SARDH: variants seen among roughly 807,000 people sequenced by gnomAD.
SARDH encodes the protein sarcosine dehydrogenase, mitochondrial.
In SARDH, 95 loss-of-function variants were observed where a neutral mutation model predicts 109.1. The observed-to-expected ratio is 0.87, with a 90% CI of 0.74 to 1.03. SARDH has a LOEUF of 1.03. SARDH is among the 50% of genes least tolerant of loss of function. SARDH has a pLI of 0.00. For synonymous variants in SARDH, 572 were observed against 534.8 expected (o/e 1.07, Z -0.96); for missense variants, 1,267 against 1,287.8 (o/e 0.98, Z 0.25).
In SARDH at chr9:133,732,614, G is replaced by T; in HGVS notation, c.332-13C>A. On this transcript the variant is annotated splice_polypyrimidine_tract_variant and intron_variant, in intron 2 of 20. Transcript: ENST00000439388. ...TGCCACAGCAGGCCTGCCCGGGAGG[G>T]TGGGTGCCATCACTCCCCAGGGAGT... The T allele has an allele frequency of 6.3e-7, 1 of 1,591,092 alleles. No individual in the cohort carries two copies. The highest frequency in any genetic ancestry group is 8.6e-7 in the Non-Finnish European group (1 of 1,167,480).
intron 10 of SARDH, among the ~76,000 whole-genome samples, chr9:133,711,964 A>C (rs1251938475): frequency 6.6e-6 from 1 of 152,192 alleles, no homozygotes; most frequent in African/African-American, 2.4e-5. Context: ...TGTGCTCTGC[A>C]AGAGATGGCC....
Position 133,670,328 on chromosome 9 carries a change from CAA to C in SARDH, c.2495+254_2495+255del, listed in dbSNP as rs5901026. 3.1e-3 allele frequency among the ~76,000 whole-genome samples: 322 copies of C among 103,238 alleles called. 1 individual carries two copies. Among genetic ancestry groups the C allele is most frequent in the Middle Eastern group, 0.014 (3 of 212 alleles). 67.7% of individuals were successfully genotyped at this position (103,238 alleles called of 152,430 possible). On this transcript the variant is annotated intron_variant, in intron 19 of 20. Coordinates refer to ENST00000439388, the MANE Select transcript of SARDH (RefSeq NM_001134707.2). Reference sequence around the variant, plus strand: ...TGGGCAATAGAGTGAGACTCCGTCTCAAAAAAAAAAAAAAAAAAAAGAGCAAA... The same window carrying C: ...TGGGCAATAGAGTGAGACTCCGTCTCAAAAAAAAAAAAAAAAAAGAGCAAA...
In SARDH at chr9:133,713,072, TC is replaced by T; in HGVS notation, c.1202del (p.Arg401GlnfsTer14). On this transcript the variant is annotated frameshift_variant, in exon 9 of 21. Coordinates refer to ENST00000439388, the MANE Select transcript of SARDH (RefSeq NM_001134707.2). LOFTEE classifies it high-confidence loss of function. The part of the protein sequence containing the change: ...KPLMGEAPEL[R>X]GFFLGCGFNS... Reference sequence around the variant, plus strand: ...TGAAGCCACAGCCCAGGAAGAACCCTCGGAGCTCAGGTGCCTCCCCCATCAG... The same window carrying T: ...TGAAGCCACAGCCCAGGAAGAACCCTGGAGCTCAGGTGCCTCCCCCATCAG... 6.2e-7 allele frequency: 1 copy of T among 1,613,118 alleles called. No individual in the cohort carries two copies. The highest frequency in any genetic ancestry group is 2.2e-5 in the East Asian group (1 of 44,876).
At chr9:133,663,092 G>C (rs1829938657), downstream of SARDH, among the ~76,000 whole-genome samples, 1 of 152,210 alleles carries the variant, frequency 6.6e-6, no homozygotes, top group Non-Finnish European at 1.5e-5. Context: ...CAACAGCAAA[G>C]ACAAAGGTCA....
chr9:133,683,240 C>T lies in SARDH; in HGVS notation c.2163+1953G>A, dbSNP rs565085333. Among the ~76,000 whole-genome samples, 78 of 152,192 alleles carry T rather than the reference C, an allele frequency of 5.1e-4. No homozygotes were observed. In the Middle Eastern group the frequency reaches 0.014, roughly 27 times the overall value. ...CCAGGAGAGGGGAGGCAGCTGGAGC[C>T]GCCTGTCTGAGAACAAGTCCCAGCA... On this transcript the variant is annotated intron_variant, in intron 17 of 20. Coordinates refer to ENST00000439388, the MANE Select transcript of SARDH (RefSeq NM_001134707.2).
intron 19 of SARDH, among the ~76,000 whole-genome samples, chr9:133,669,600 T>TGCGC (rs1830262867): frequency 6.6e-6 from 1 of 151,970 alleles, no homozygotes; most frequent in Admixed American, 6.5e-5. Context: ...AGGGATCACG[T>TGCGC]GCGCCGGGCT....
intron 16 of SARDH, among the ~76,000 whole-genome samples, chr9:133,688,932 G>T (rs926429604): frequency 7.9e-5 from 12 of 152,222 alleles, no homozygotes; most frequent in Non-Finnish European, 5.9e-5. Context: ...CGTCTACCGT[G>T]TGCCCCTGAG....
At chr9:133,685,070 G>C in intron 17 of SARDH, 123 bp downstream of exon 17, 1 of 750,032 alleles carries the variant, frequency 1.3e-6, no homozygotes, top group Non-Finnish European at 2.2e-6. Flanking sequence ...TTCACAGTTG[G>C]GGACCGAGGC....
chr9:133,682,835 C>A (rs192189487), intron 17 of SARDH, among the ~76,000 whole-genome samples: 1 of 138,372 alleles, frequency 7.2e-6, no homozygotes, highest in Non-Finnish European at 1.5e-5. Context: ...GTGCTGAAAC[C>A]CACGCGCAGT....
intron 19 of SARDH, among the ~76,000 whole-genome samples, chr9:133,668,302 T>TTA (rs1830150654): frequency 2.6e-5 from 2 of 77,264 alleles, no homozygotes; most frequent in African/African-American, 1.1e-4. Flanking sequence ...TCCCTCCCTC[T>TTA]CCCTCCCTCT....
Position 133,708,304 on chromosome 9 carries a change from T to C in SARDH, c.1453A>G (p.Arg485Gly), listed in dbSNP as rs771167787. Residue 485 changes from arginine to glycine, a missense_variant, in exon 11 of 21, where the codon AGA (arginine) becomes GGA (glycine). By Grantham distance (125) the Arg-to-Gly change is moderately radical (BLOSUM62 -2). Transcript: ENST00000439388. ...GGCGTTACCTCGTGCAGCGGGTCTC[T>C]CCTCATGTTGCGCCCGGCCAGCGGC... ...DEPLAGRNMR[R>G]DPLHEELLGQ... The C allele has an allele frequency of 2.5e-6, 4 of 1,613,004 alleles. No individual in the cohort carries two copies. Among genetic ancestry groups the C allele is most frequent in the Non-Finnish European group, 3.4e-6 (4 of 1,179,634 alleles).
At position 133,708,319 on chromosome 9, in the gene SARDH, C is replaced by T. The variant is rs764383595; in HGVS notation, c.1438G>A (p.Gly480Arg). Residue 480 changes from glycine to arginine, a missense_variant, in exon 11 of 21, where the codon GGG becomes AGG. Transcript: ENST00000439388. ...VVFPHDEPLA[G>R]RNMRRDPLHE... is the part of the protein sequence containing the mutation. ...AGCGGGTCTCTCCTCATGTTGCGCCCGGCCAGCGGCTCATCGTGGGGGAAG... is the reference window on the plus strand; with the variant it reads ...AGCGGGTCTCTCCTCATGTTGCGCCTGGCCAGCGGCTCATCGTGGGGGAAG... 43 of 1,613,204 alleles carry T rather than the reference C, an allele frequency of 2.7e-5. No individual in the cohort carries two copies. The highest frequency in any genetic ancestry group is 6.7e-5 in the East Asian group (3 of 44,882).
At chr9:133,695,274 C>T (rs1379569845) in intron 14 of SARDH, among the ~76,000 whole-genome samples, 1 of 152,116 alleles carries the variant, frequency 6.6e-6, no homozygotes, top group African/African-American at 2.4e-5. Context: ...GAAACCCCGT[C>T]TCTACTAAAA....
chr9:133,713,144 G>A lies in SARDH; in HGVS notation c.1151-20C>T. ...AGGATTCTGAAAGAAGGAGAGAGAG[G>A]CCTGGAGTCCCTTTTGCAGTGCACA... On this transcript the variant is annotated intron_variant, in intron 8 of 20. Transcript: ENST00000439388. 1 of 1,601,230 alleles carries A rather than the reference G, an allele frequency of 6.2e-7. No individual in the cohort carries two copies. The highest frequency in any genetic ancestry group is 8.5e-7 in the Non-Finnish European group (1 of 1,170,336).
In SARDH at chr9:133,666,579, T is replaced by TTCCCTCC. The variant is rs937518454; in HGVS notation, c.2631+149_2631+155dup. Among the ~76,000 whole-genome samples the TTCCCTCC allele has an allele frequency of 2.1e-5, 3 of 144,226 alleles. No individual in the cohort carries two copies. Among genetic ancestry groups the TTCCCTCC allele is most frequent in the Non-Finnish European group, 3.0e-5 (2 of 66,010 alleles). 94.6% of individuals were successfully genotyped at this position (144,226 alleles called of 152,430 possible). Reference sequence around the variant, plus strand: ...TTCTCCTCCTTCCTTCCTCCCCCTCTTCCCTCCTCCCTCCTTTCTCTTCCC... The same window carrying TTCCCTCC: ...TTCTCCTCCTTCCTTCCTCCCCCTCTTCCCTCCTCCCTCCTCCCTCCTTTCTCTTCCC... On this transcript the variant is annotated intron_variant, in intron 20 of 20. Coordinates refer to ENST00000439388, the MANE Select transcript of SARDH (RefSeq NM_001134707.2). This position sits in a 1 kb window ranked among gnomAD's most constrained non-coding sequence, Gnocchi z 5.2.
chr9:133,734,395 A>ATT, intron 1 of SARDH, among the ~76,000 whole-genome samples, 192 bp from the exon 2 acceptor site: 1 of 148,432 alleles, frequency 6.7e-6, no homozygotes, highest in Non-Finnish European at 1.5e-5. Context: ...TCATTCATTC[A>ATT]CTCATTCATT....
intron 17 of SARDH, among the ~76,000 whole-genome samples, chr9:133,676,594 C>T (rs527453193): frequency 6.6e-6 from 1 of 152,262 alleles, no homozygotes; most frequent in African/African-American, 2.4e-5. Context: ...CCAGGGGAGG[C>T]CGGGGGGTGT....
rs551279393 is a variant in SARDH at position 133,665,731 on chromosome 9, G to C, written c.2631+1004C>G. On this transcript the variant is annotated intron_variant, in intron 20 of 20. Transcript: ENST00000439388. Reference sequence around the variant, plus strand: ...GGTGTCCCCTCCCCATTGGGCCTGCGAGCTGGGCCTGCGCATGTTCTGCAG... The same window carrying C: ...GGTGTCCCCTCCCCATTGGGCCTGCCAGCTGGGCCTGCGCATGTTCTGCAG... Among the ~76,000 whole-genome samples the C allele has an allele frequency of 2.0e-3, 312 of 152,274 alleles. 1 individual carries two copies. The highest frequency in any genetic ancestry group is 7.1e-3 in the African/African-American group (295 of 41,552).
intron 13 of SARDH, among the ~76,000 whole-genome samples, chr9:133,701,241 A>G (rs1831473671): frequency 1.3e-5 from 2 of 152,254 alleles, no homozygotes; most frequent in South Asian, 2.1e-4. Context: ...GGCCGGTGCT[A>G]CAGAGCCAGC....
Sources: gnomAD v4.1 joint callset for allele counts (sites outside exome capture counted in the v4.1 genomes callset) on GRCh38, gnomAD v4.1.1 for gene constraint, Gnocchi (gnomAD v3.1) non-coding constraint, MANE v1.5 for transcripts, NCBI Gene and HGNC (gene_info 2026-07-23, HGNC 2026-07-21) for gene names.